Variants in CD4 observed in about 807,000 individuals in gnomAD.
CD4 encodes the protein CD4 molecule.
A neutral mutation model predicts 50.5 loss-of-function variants in CD4; 25 were observed. The ratio of observed to expected loss-of-function variants is 0.49; its 90% CI spans 0.36 to 0.69. The LOEUF is 0.69. Ranked by LOEUF, CD4 falls within the 30% of genes least tolerant of loss-of-function variation. The probability of loss-of-function intolerance (pLI) is 0.00; values close to 1 mark genes in which losing one functional copy is unlikely to be tolerated. For missense variants in CD4, 456 were observed against 548.5 expected (o/e 0.83, Z 1.68); for synonymous variants, 207 against 221.9 (o/e 0.93, Z 0.60).
rs1555118810 is a variant in CD4 at position 6,820,133 on chromosome 12, G to A, written c.*804G>A. 1 of 152,276 alleles carries A rather than the reference G, an allele frequency of 6.6e-6. No individual in the cohort carries two copies. The highest frequency in any genetic ancestry group is 2.4e-5 in the African/African-American group (1 of 41,428). The allele number at this position is 152,276 out of a possible 1,614,324, so 9.4% of individuals were successfully genotyped here. On this transcript the variant is annotated 3_prime_UTR_variant, in exon 10 of 10. Coordinates refer to ENST00000011653, the MANE Select transcript of CD4 (RefSeq NM_000616.5). Reference sequence around the variant, plus strand: ...GTTCCACTGCTGCCTCTTGAATGCAGGGACAAATGCCACACGGCTCTCACC... The same window carrying A: ...GTTCCACTGCTGCCTCTTGAATGCAAGGACAAATGCCACACGGCTCTCACC...
At chr12:6,806,155 A>AAG (rs1555116135) in intron 3 of CD4, among the ~76,000 whole-genome samples, 35 of 111,606 alleles carry the variant, frequency 3.1e-4, no homozygotes, top group Admixed American at 1.1e-3. Context: ...AAAAAGGTAC[A>AAG]TACACACACA....
chr12:6,790,084 A>G (rs888316633), intron 1 of CD4, among the ~76,000 whole-genome samples: 1 of 152,120 alleles, frequency 6.6e-6, no homozygotes, highest in Non-Finnish European at 1.5e-5. Context: ...AAAAATTAGA[A>G]AGAATAAATA....
chr12:6,818,911 C>T lies in CD4; in HGVS notation c.1343C>T (p.Pro448Leu). The T allele has an allele frequency of 7.5e-6, 12 of 1,591,904 alleles. No homozygotes were observed. Among genetic ancestry groups the T allele is most frequent in the Non-Finnish European group, 1.0e-5 (12 of 1,162,640 alleles). The stretch of plus-strand genomic sequence containing the variant: ...AGTGAGAAGAAGACCTGCCAGTGTC[C>T]TCAGTAAGGATCTGGGAGGAGGGGT... ...LLSEKKTCQC[P>L]HRFQKTCSPI is the part of the protein sequence containing the mutation. The change falls in exon 9 of 10, where the codon CCT (proline) becomes CTT (leucine). Residue 448 changes from proline (P) to leucine (L), a missense_variant. Pro to Leu is a moderately conservative substitution (Grantham distance 98). Transcript: ENST00000011653. The surrounding 1 kb of genome is among the most constrained non-coding windows in gnomAD (Gnocchi z 5.0).
At chr12:6,808,250 T>G (rs1555116524) in intron 3 of CD4, among the ~76,000 whole-genome samples, 2 of 214 alleles carry the variant, frequency 9.3e-3, no homozygotes, top group Admixed American at 0.056. Flanking sequence ...GTCAGGAGAT[T>G]GAGCCACTCT....
rs1351524717 is a variant in CD4, at chr12:6,818,111, CACATTCACA to C, written c.1157-309_1157-301del. ...ACACGCGCACACGCGCGCACACACA[CACATTCACA>C]CCATTCACACACGCACACACATGCA... On this transcript the variant is annotated intron_variant, in intron 7 of 9. Coordinates refer to ENST00000011653, the MANE Select transcript of CD4 (RefSeq NM_000616.5). The surrounding 1 kb of genome is among the most constrained non-coding windows in gnomAD (Gnocchi z 5.0). Among the ~76,000 whole-genome samples, 4 of 150,756 alleles carry C rather than the reference CACATTCACA, an allele frequency of 2.7e-5. No individual in the cohort carries two copies. In the South Asian group the frequency reaches 8.4e-4, roughly 32 times the overall value.
intron 3 of CD4, among the ~76,000 whole-genome samples, chr12:6,809,731 C>T (rs1942880372): frequency 6.6e-6 from 1 of 152,114 alleles, no homozygotes; most frequent in Non-Finnish European, 1.5e-5. Context: ...GAAGCCTCTG[C>T]AGGACGTTCA....
chr12:6,818,471 G>T lies in CD4; in HGVS notation c.1207G>T (p.Gly403Trp). The change falls in exon 8 of 10, where the codon GGG becomes TGG. Residue 403 changes from glycine to tryptophan, a missense_variant. Physicochemically the swap from Gly to Trp is radical, Grantham distance 184. Coordinates refer to ENST00000011653, the MANE Select transcript of CD4 (RefSeq NM_000616.5). This position sits in a 1 kb window ranked among gnomAD's most constrained non-coding sequence, Gnocchi z 5.0. ...GCAGCCAATGGCCCTGATTGTGCTG[G>T]GGGGCGTCGCCGGCCTCCTGCTTTT... ...PVQPMALIVL[G>W]GVAGLLLFIG... The T allele has an allele frequency of 6.2e-7, 1 of 1,612,954 alleles. No homozygotes were observed. The highest frequency in any genetic ancestry group is 1.1e-5 in the South Asian group (1 of 91,082).
Position 6,816,146 on chromosome 12 carries a change from C to A in CD4, c.698C>A (p.Thr233Lys), listed in dbSNP as rs201257539. ...FPLAFTVEKL[T>K]GSGELWWQAE... ...CTCGCCTTTACAGTTGAAAAGCTGA[C>A]GGGCAGTGGCGAGCTGTGGTGGCAG... is the stretch of plus-strand genomic sequence containing the variant. Residue 233 changes from threonine to lysine, a missense_variant, in exon 6 of 10, where the codon ACG becomes AAG. Transcript: ENST00000011653. This position sits in a 1 kb window ranked among gnomAD's most constrained non-coding sequence, Gnocchi z 4.9. The A allele has an allele frequency of 6.2e-7, 1 of 1,614,168 alleles. No individual in the cohort carries two copies. The highest frequency in any genetic ancestry group is 1.1e-5 in the South Asian group (1 of 91,080).
rs28917472 is a variant in CD4, at chr12:6,795,801, C to T, written c.-67-4271C>T. ...GGAAAAATATCCCAGCTTCTTTCCC[C>T]CACCCTTCCATCTCATCTCTGAAAG... On this transcript the variant is annotated intron_variant, in intron 1 of 9. Coordinates refer to ENST00000011653, the MANE Select transcript of CD4 (RefSeq NM_000616.5). Among the ~76,000 whole-genome samples the T allele has an allele frequency of 5.0e-3, 759 of 152,294 alleles. 1 individual carries two copies. The highest frequency in any genetic ancestry group is 8.6e-3 in the Non-Finnish European group (585 of 68,016).
intron 1 of CD4, among the ~76,000 whole-genome samples, chr12:6,790,936 A>G (rs1942137479): frequency 6.6e-6 from 1 of 152,204 alleles, no homozygotes; most frequent in South Asian, 2.1e-4. Flanking sequence ...GGGGGAAGTC[A>G]CTGCTACTTC....
chr12:6,817,616 C>T (rs1329566928), intron 7 of CD4, among the ~76,000 whole-genome samples: 2 of 152,080 alleles, frequency 1.3e-5, no homozygotes, highest in Admixed American at 6.5e-5. Flanking sequence ...GAGAGCCCCC[C>T]TCCCTGGCTC....
chr12:6,800,488 C>T lies in CD4; in HGVS notation c.214+17C>T, dbSNP rs782533824. 1.2e-6 allele frequency: 2 copies of T among 1,605,566 alleles called. No homozygotes were observed. The highest frequency in any genetic ancestry group is 1.1e-5 in the South Asian group (1 of 90,144). ...TAACTAAAGGTAGGGTTGCCTGGCT[C>T]CCCATCCAGGGAGGAAAACACACTA... On this transcript the variant is annotated intron_variant, in intron 3 of 9. Transcript: ENST00000011653.
intron 3 of CD4, among the ~76,000 whole-genome samples, chr12:6,801,566 T>A (rs1488680679): frequency 2.0e-5 from 3 of 151,544 alleles, no homozygotes; most frequent in African/African-American, 7.3e-5. Context: ...TTAGTTTATT[T>A]ATTTATTTTT....
In CD4 at chr12:6,812,970, T is replaced by C. The variant is rs868975754; in HGVS notation, c.215-1172T>C. Among the ~76,000 whole-genome samples the C allele has an allele frequency of 1.4e-4, 21 of 152,086 alleles. 1 individual carries two copies. Among genetic ancestry groups the C allele is most frequent in the Middle Eastern group, 3.4e-3 (1 of 290 alleles). ...TCGCCCAGGGTGGAGTGCAGTGGCA[T>C]GATCATAGCTCACTGCAGCCTCGAC... On this transcript the variant is annotated intron_variant, in intron 3 of 9. Coordinates refer to ENST00000011653, the MANE Select transcript of CD4 (RefSeq NM_000616.5).
intron 3 of CD4, among the ~76,000 whole-genome samples, chr12:6,806,186 CACAAGT>C (rs1555116161): frequency 1.1e-4 from 8 of 72,712 alleles, no homozygotes; most frequent in Non-Finnish European, 1.8e-4. Context: ...CACACACATA[CACAAGT>C]ATATACACAT....
chr12:6,808,893 T>TG (rs1157813576), intron 3 of CD4, among the ~76,000 whole-genome samples: 18 of 151,682 alleles, frequency 1.2e-4, no homozygotes, highest in Admixed American at 3.3e-4. Flanking sequence ...TTAAAACTTT[T>TG]GGGGGGGGCA....
At chr12:6,804,161 A>AGC (rs1942654009) in intron 3 of CD4, among the ~76,000 whole-genome samples, 1 of 75,732 alleles carries the variant, frequency 1.3e-5, no homozygotes, top group African/African-American at 4.9e-5. Flanking sequence ...TAAAATAAAA[A>AGC]GCACACACAC....
rs782301134 is a variant in CD4 at position 6,817,232 on chromosome 12, A to T, written c.1058A>T (p.Lys353Met). The T allele has an allele frequency of 6.2e-7, 1 of 1,612,846 alleles. No homozygotes were observed. Among genetic ancestry groups the T allele is most frequent in the South Asian group, 1.1e-5 (1 of 90,830 alleles). Residue 353 changes from lysine (K) to methionine (M), a missense_variant, in exon 7 of 10, where the codon AAG (lysine) becomes ATG (methionine). Coordinates refer to ENST00000011653, the MANE Select transcript of CD4 (RefSeq NM_000616.5). ...GAGAACAAGGAGGCAAAGGTCTCGAAGCGGGAGAAGGCGGTGTGGGTGCTG... is the reference window on the plus strand; with the variant it reads ...GAGAACAAGGAGGCAAAGGTCTCGATGCGGGAGAAGGCGGTGTGGGTGCTG... ...KLENKEAKVS[K>M]REKAVWVLNP...
At chr12:6,819,190 C>T in intron 9 of CD4, 109 bp from the exon 10 acceptor site, 1 of 1,128,718 alleles carries the variant, frequency 8.9e-7, no homozygotes, top group Non-Finnish European at 1.3e-6. Context: ...AAAGGCCCTG[C>T]TGGAAAGCCA....
Sources: allele counts gnomAD v4.1 joint callset (sites outside exome capture counted in the v4.1 genomes callset), GRCh38; gene constraint gnomAD v4.1.1; non-coding constraint Gnocchi (gnomAD v3.1); transcripts MANE v1.5; gene names NCBI Gene and HGNC (gene_info 2026-07-23, HGNC 2026-07-21).